Variants in ZNF79 observed in about 807,000 individuals in gnomAD.
ZNF79 encodes ZNFpT7.
In ZNF79, 13 loss-of-function variants were observed where a neutral mutation model predicts 14.9. That is an observed-to-expected ratio of 0.87 (90% CI 0.57 to 1.38). The LOEUF (loss-of-function observed/expected upper bound fraction) is 1.38, where lower values mean the gene tolerates loss of function less well. Among genes scored for constraint, ZNF79 ranks in the 40% most tolerant of loss-of-function variants. The probability of loss-of-function intolerance (pLI) is 0.00; values close to 1 mark genes in which losing one functional copy is unlikely to be tolerated. For synonymous variants in ZNF79, 223 were observed against 235.1 expected, an observed-to-expected ratio of 0.95 and a Z score of 0.47; for missense variants, 631 against 630.6, an observed-to-expected ratio of 1.00 and a Z score of -0.01.
intron 2 of ZNF79, among the ~76,000 whole-genome samples, chr9:127,434,578 G>A (rs1833913096): frequency 6.6e-6 from 1 of 152,138 alleles, no homozygotes; most frequent in Non-Finnish European, 1.5e-5. Context: ...GAAGACAAGA[G>A]ACAGTGGTGT....
chr9:127,443,319 G>A (rs945401001), intron 4 of ZNF79, among the ~76,000 whole-genome samples: 5 of 152,112 alleles, frequency 3.3e-5, no homozygotes, highest in African/African-American at 1.2e-4. Context: ...GGAGGCTGAG[G>A]TGGCAGGATT....
intron 4 of ZNF79, among the ~76,000 whole-genome samples, chr9:127,438,019 C>G (rs1339639154): frequency 6.6e-6 from 1 of 152,166 alleles, no homozygotes; most frequent in African/African-American, 2.4e-5. Flanking sequence ...TCTGAGGCAG[C>G]AGTGTAGGGC....
intron 1 of ZNF79, among the ~76,000 whole-genome samples, chr9:127,427,227 G>A (rs1306775489): frequency 1.3e-5 from 2 of 150,140 alleles, no homozygotes; most frequent in Non-Finnish European, 3.0e-5. Context: ...AGACCAGCCT[G>A]GCCAACGTGG....
intron 4 of ZNF79, among the ~76,000 whole-genome samples, chr9:127,438,811 A>G (rs1029595247): frequency 7.2e-5 from 11 of 152,160 alleles, no homozygotes; most frequent in Non-Finnish European, 1.6e-4. Flanking sequence ...TTACGTTTTA[A>G]CAAAAGACTG....
intron 4 of ZNF79, among the ~76,000 whole-genome samples, chr9:127,439,017 C>T (rs951448172): frequency 2.6e-5 from 4 of 151,962 alleles, no homozygotes; most frequent in Admixed American, 6.6e-5. Context: ...GAGGCTGAGG[C>T]ACGAGAATCG....
intron 1 of ZNF79, among the ~76,000 whole-genome samples, chr9:127,426,466 C>A (rs1193236813): frequency 6.6e-6 from 1 of 151,898 alleles, no homozygotes; most frequent in Non-Finnish European, 1.5e-5. Context: ...CCTCCGCCTC[C>A]CGCGTTCAAG....
Position 127,424,758 on chromosome 9 carries a change from T to G in ZNF79, c.-30T>G. ...TAGACCCTTACGCCCAGAGAACTGCTGGGAGGCTGTGGCGCGAGGCGGGAC... is the reference window on the plus strand; with the variant it reads ...TAGACCCTTACGCCCAGAGAACTGCGGGGAGGCTGTGGCGCGAGGCGGGAC... On this transcript the variant is annotated 5_prime_UTR_variant, in exon 1 of 5. Coordinates refer to ENST00000342483, the MANE Select transcript of ZNF79 (RefSeq NM_007135.3). The G allele has an allele frequency of 3.7e-6, 6 of 1,613,494 alleles. No individual in the cohort carries two copies. The highest frequency in any genetic ancestry group is 5.1e-6 in the Non-Finnish European group (6 of 1,179,932).
At chr9:127,441,540 G>A (rs1834047433) in intron 4 of ZNF79, among the ~76,000 whole-genome samples, 1 of 152,196 alleles carries the variant, frequency 6.6e-6, no homozygotes. Context: ...AGTTGGGCGT[G>A]GTGGCTCACA....
intron 2 of ZNF79, among the ~76,000 whole-genome samples, chr9:127,431,893 G>A (rs1418606983): frequency 6.6e-6 from 1 of 152,056 alleles, no homozygotes; most frequent in African/African-American, 2.4e-5. Flanking sequence ...GTGGTTAGAG[G>A]TGTGCAACTT....
At chr9:127,443,673 G>A (rs1000537730) in intron 4 of ZNF79, among the ~76,000 whole-genome samples, 23 of 152,014 alleles carry the variant, frequency 1.5e-4, no homozygotes, top group East Asian at 3.9e-4. Context: ...AGGCCGAGGC[G>A]GGTGGATCAC....
chr9:127,435,658 C>T lies in ZNF79; in HGVS notation c.233-250C>T, dbSNP rs75749248. ...TTGGGAGGCCAAGGTGGAACAGTCA[C>T]CTGAGACCAGCCTGAGGAACACAGT... On this transcript the variant is annotated intron_variant, in intron 3 of 4. Transcript: ENST00000342483. Among the ~76,000 whole-genome samples the T allele has an allele frequency of 2.7e-3, 415 of 152,218 alleles. 4 individuals carry two copies. Among genetic ancestry groups the T allele is most frequent in the African/African-American group, 9.7e-3 (401 of 41,490 alleles).
chr9:127,439,868 CT>C (rs981580685), intron 4 of ZNF79, among the ~76,000 whole-genome samples: 1 of 151,598 alleles, frequency 6.6e-6, no homozygotes, highest in East Asian at 1.9e-4. Flanking sequence ...AACTAATCTA[CT>C]TTTTTTTTCT....
At chr9:127,436,455 C>G (rs896958329) in intron 4 of ZNF79, among the ~76,000 whole-genome samples, 1 of 151,240 alleles carries the variant, frequency 6.6e-6, no homozygotes, top group Non-Finnish European at 1.5e-5. Flanking sequence ...CATCTGGCCC[C>G]TTAATTCATT....
chr9:127,424,770 G>T lies in ZNF79; in HGVS notation c.-18G>T, dbSNP rs201612917. On this transcript the variant is annotated 5_prime_UTR_variant, in exon 1 of 5. Coordinates refer to ENST00000342483, the MANE Select transcript of ZNF79 (RefSeq NM_007135.3). ...CCCAGAGAACTGCTGGGAGGCTGTG[G>T]CGCGAGGCGGGACTCAAATGCTGGA... 1.1e-4 allele frequency: 180 copies of T among 1,613,826 alleles called. 1 individual carries two copies. In the Middle Eastern group the frequency reaches 1.9e-3, roughly 17 times the overall value.
chr9:127,435,744 G>A (rs1833935392), intron 3 of ZNF79, among the ~76,000 whole-genome samples, 164 bp from the exon 4 acceptor site: 1 of 152,338 alleles, frequency 6.6e-6, no homozygotes. Flanking sequence ...TGTCTCTTAT[G>A]TACTGCTATA....
At chr9:127,429,160 C>T (rs1588068552) in intron 2 of ZNF79, among the ~76,000 whole-genome samples, 2 of 152,104 alleles carry the variant, frequency 1.3e-5, no homozygotes, top group East Asian at 1.9e-4. Context: ...ATTACAGGCA[C>T]GCATCACCAC....
intron 3 of ZNF79, 111 bp downstream of exon 3, chr9:127,435,327 T>A (rs775610139): frequency 1.0e-5 from 13 of 1,251,552 alleles, no homozygotes; most frequent in Non-Finnish European, 1.3e-5. Context: ...AGAGGGATGG[T>A]GTTTATTCCT....
In ZNF79 at chr9:127,444,500, A is replaced by G. The variant is rs766183347; in HGVS notation, c.800A>G (p.His267Arg). 6.2e-7 allele frequency: 1 copy of G among 1,611,148 alleles called. No homozygotes were observed. The highest frequency in any genetic ancestry group is 8.5e-7 in the Non-Finnish European group (1 of 1,177,382). ...AFSQNANLTK[H>R]QRTHTGEKPY... is the part of the protein sequence containing the mutation. ...AGCCAGAACGCCAACCTCACCAAAC[A>G]CCAGCGAACCCACACCGGAGAGAAG... The change falls in exon 5 of 5, where the codon CAC becomes CGC. Residue 267 changes from histidine (H) to arginine (R), a missense_variant. His to Arg is a conservative substitution (Grantham distance 29). Coordinates refer to ENST00000342483, the MANE Select transcript of ZNF79 (RefSeq NM_007135.3).
chr9:127,428,670 T>A, intron 1 of ZNF79, 162 bp from the exon 2 acceptor site: 3 of 1,242,116 alleles, frequency 2.4e-6, no homozygotes, highest in Non-Finnish European at 3.0e-6. Context: ...AGTGAGTTGA[T>A]GGAATTTCTG....
Sources: allele counts gnomAD v4.1 joint callset (sites outside exome capture counted in the v4.1 genomes callset), GRCh38; gene constraint gnomAD v4.1.1; transcripts MANE v1.5; gene names NCBI Gene and HGNC (gene_info 2026-07-23, HGNC 2026-07-21).